The following TES variants were observed in gnomAD, a reference collection of about 807,000 sequenced individuals.
The protein encoded by TES is testin.
A neutral mutation model predicts 48.2 loss-of-function variants in TES; 41 were observed. The observed-to-expected ratio is 0.85, with a 90% CI of 0.66 to 1.10. TES has a LOEUF of 1.10. Ranked by LOEUF, TES falls within the 50% of genes least tolerant of loss-of-function variation. TES has a pLI of 0.00. For synonymous variants in TES, 162 were observed against 174.9 expected, an observed-to-expected ratio of 0.93 and a Z score of 0.58; for missense variants, 463 against 515.1, an observed-to-expected ratio of 0.90 and a Z score of 0.98.
intron 2 of TES, chr7:116,238,102 T>C (rs1188727394): frequency 1.3e-5 from 2 of 152,186 alleles, no homozygotes; most frequent in Non-Finnish European, 2.9e-5. Context: ...TTTATCACCT[T>C]GTATACTTAC....
rs191416327 is a variant in TES, at chr7:116,247,916, A to G, written c.114-1104A>G. Among the ~76,000 whole-genome samples, 304 of 152,262 alleles carry G rather than the reference A, an allele frequency of 2.0e-3. 2 individuals are homozygous for G. Among genetic ancestry groups the G allele is most frequent in the African/African-American group, 7.0e-3 (290 of 41,550 alleles). Reference sequence around the variant, plus strand: ...TGGGTTATAAATGATCCCATCACCCAGGTAGTGACCATAGTACCTGAGAGT... The same window carrying G: ...TGGGTTATAAATGATCCCATCACCCGGGTAGTGACCATAGTACCTGAGAGT... On this transcript the variant is annotated intron_variant, in intron 2 of 6. Coordinates refer to ENST00000358204, the MANE Select transcript of TES (RefSeq NM_015641.4).
chr7:116,224,083 C>T (rs1427385531), intron 1 of TES, among the ~76,000 whole-genome samples: 1 of 152,206 alleles, frequency 6.6e-6, no homozygotes, highest in Non-Finnish European at 1.5e-5. Flanking sequence ...TCTGGGATCA[C>T]TTGCCCTGGG....
At chr7:116,242,082 G>A (rs1050791198) in intron 2 of TES, among the ~76,000 whole-genome samples, 1 of 152,032 alleles carries the variant, frequency 6.6e-6, no homozygotes, top group Non-Finnish European at 1.5e-5. Flanking sequence ...AACATAGATT[G>A]TAAAAATTTC....
At position 116,258,072 on chromosome 7, in the gene TES, A is replaced by AT. The variant is rs1382616868; in HGVS notation, c.*597dup. 11 of 151,748 alleles carry AT rather than the reference A, an allele frequency of 7.2e-5. No individual in the cohort carries two copies. Among genetic ancestry groups the AT allele is most frequent in the African/African-American group, 2.2e-4 (9 of 41,292 alleles). The allele number at this position is 151,748 out of a possible 1,614,324, so 9.4% of individuals were successfully genotyped here. On this transcript the variant is annotated 3_prime_UTR_variant, in exon 7 of 7. Coordinates refer to ENST00000358204, the MANE Select transcript of TES (RefSeq NM_015641.4). ...GGCATTTTCTTTATTGCATTTCTCT[A>AT]TTTTTTTAATGTACCCTACCTTCAG...
chr7:116,221,927 T>C (rs1432688464), intron 1 of TES, among the ~76,000 whole-genome samples: 1 of 152,224 alleles, frequency 6.6e-6, no homozygotes, highest in African/African-American at 2.4e-5. Flanking sequence ...AAATGATGTC[T>C]GTGCACCTTC....
intron 2 of TES, among the ~76,000 whole-genome samples, chr7:116,238,616 T>A (rs77613127): frequency 0.045 from 4,217 of 92,702 alleles, 204 homozygotes; most frequent in African/African-American, 0.18. Context: ...TATTATTATT[T>A]TTGAGATGGG....
chr7:116,238,626 G>A (rs1329394936), intron 2 of TES, among the ~76,000 whole-genome samples: 2 of 103,414 alleles, frequency 1.9e-5, no homozygotes, highest in Admixed American at 1.8e-4. Context: ...TTTGAGATGG[G>A]GTTTCACCCT....
intron 1 of TES, among the ~76,000 whole-genome samples, chr7:116,212,876 G>T (rs965270824): frequency 6.6e-6 from 1 of 152,096 alleles, no homozygotes; most frequent in Non-Finnish European, 1.5e-5. Flanking sequence ...ACCCCAGAAA[G>T]AATTCCATAA....
rs1800016942 is a variant in TES at position 116,251,861 on chromosome 7, C to T, written c.804C>T (p.Cys268=). The T allele has an allele frequency of 3.7e-6, 6 of 1,614,110 alleles. No individual in the cohort carries two copies. The highest frequency in any genetic ancestry group is 5.1e-6 in the Non-Finnish European group (6 of 1,180,022). The part of the protein sequence containing the change: ...DKLWHPACFV[C]STCHELLVDM... ...TGTGGCACCCAGCTTGTTTTGTCTG[C>T]AGCACCTGCCATGAACTCCTGGTTG... The change falls in exon 5 of 7, where the codon TGC becomes TGT. Residue 268 remains cysteine, a synonymous_variant. Transcript: ENST00000358204.
intron 1 of TES, among the ~76,000 whole-genome samples, chr7:116,221,198 T>C (rs778937495): frequency 2.0e-5 from 3 of 152,184 alleles, no homozygotes; most frequent in Non-Finnish European, 2.9e-5. Context: ...TTATTCTGAT[T>C]TATATTTTTA....
In TES at chr7:116,241,351, T is replaced by C. The variant is rs78788246; in HGVS notation, c.113+6732T>C. Among the ~76,000 whole-genome samples, 126 of 152,334 alleles carry C rather than the reference T, an allele frequency of 8.3e-4. 2 individuals are homozygous for C. The East Asian group carries it at 0.021, about 25-fold the overall frequency. On this transcript the variant is annotated intron_variant, in intron 2 of 6. Coordinates refer to ENST00000358204, the MANE Select transcript of TES (RefSeq NM_015641.4). ...GTGGTAATAGCACAGATTTCCACAA[T>C]AGATAGCTCCTGGCACCTGGTGCTG...
chr7:116,225,356 A>T (rs1287099767), intron 1 of TES, among the ~76,000 whole-genome samples: 1 of 152,094 alleles, frequency 6.6e-6, no homozygotes, highest in Non-Finnish European at 1.5e-5. Flanking sequence ...TGATGACAAT[A>T]CCTTTGTCAT....
intron 1 of TES, among the ~76,000 whole-genome samples, chr7:116,218,522 AT>A (rs1799520286): frequency 6.6e-6 from 1 of 152,094 alleles, no homozygotes; most frequent in South Asian, 2.1e-4. Context: ...CAAGGATCTG[AT>A]TTTTCCTTTA....
chr7:116,243,022 A>T (rs939359116), intron 2 of TES, among the ~76,000 whole-genome samples: 12 of 151,944 alleles, frequency 7.9e-5, no homozygotes, highest in African/African-American at 2.9e-4. Context: ...TTTCTAGAAT[A>T]GTTTCTATTT....
In TES at chr7:116,251,901, T is replaced by G. The variant is rs1800018249; in HGVS notation, c.844T>G (p.Trp282Gly). Residue 282 changes from tryptophan (W) to glycine (G), a missense_variant, in exon 5 of 7, where the codon TGG becomes GGG. Physicochemically the swap from Trp to Gly is radical, Grantham distance 184. Transcript: ENST00000358204. Reference protein sequence around the residue: ...HELLVDMIYFWKNEKLYCGRH... With the variant: ...HELLVDMIYFGKNEKLYCGRH... ...ACTCCTGGTTGACATGATTTATTTT[T>G]GGAAGAATGAGAAGCTATACTGTGG... 1 of 1,614,030 alleles carries G rather than the reference T, an allele frequency of 6.2e-7. No homozygotes were observed. Among genetic ancestry groups the G allele is most frequent in the African/African-American group, 1.3e-5 (1 of 74,910 alleles).
chr7:116,227,176 G>A (rs1799633088), intron 1 of TES, among the ~76,000 whole-genome samples: 1 of 151,446 alleles, frequency 6.6e-6, no homozygotes, highest in African/African-American at 2.4e-5. Context: ...GGAGTGCATG[G>A]CGTGATCTCA....
chr7:116,221,041 A>T (rs1799550324), intron 1 of TES, among the ~76,000 whole-genome samples: 1 of 152,122 alleles, frequency 6.6e-6, no homozygotes, highest in African/African-American at 2.4e-5. Context: ...GCTCTCAGTA[A>T]ATTATTGCCA....
At chr7:116,252,279 T>C in intron 5 of TES, 39 bp from the exon 6 acceptor site, 1 of 1,566,630 alleles carries the variant, frequency 6.4e-7, no homozygotes, top group Non-Finnish European at 8.7e-7. Flanking sequence ...AAATCTCTTA[T>C]TATATAAAAA....
chr7:116,220,297 G>C (rs1007319687), intron 1 of TES, among the ~76,000 whole-genome samples: 4 of 152,148 alleles, frequency 2.6e-5, no homozygotes, highest in African/African-American at 9.7e-5. Context: ...TAAACCAGTA[G>C]TGATGTTATT....
Sources: gnomAD v4.1 joint callset for allele counts (sites outside exome capture counted in the v4.1 genomes callset) on GRCh38, gnomAD v4.1.1 for gene constraint, MANE v1.5 for transcripts, NCBI Gene and HGNC (gene_info 2026-07-23, HGNC 2026-07-21) for gene names.